Variants in CFAP77 observed in about 807,000 individuals in gnomAD.
The protein encoded by CFAP77 is cilia- and flagella-associated protein 77.
In CFAP77, 25 loss-of-function variants were observed where a neutral mutation model predicts 31.1. That is an observed-to-expected ratio of 0.80 (90% CI 0.59 to 1.12). CFAP77 has a LOEUF of 1.12. CFAP77 is among the 50% of genes most tolerant of loss of function. CFAP77 has a pLI of 0.00. For missense variants in CFAP77, 377 were observed against 397.3 expected, an observed-to-expected ratio of 0.95 and a Z score of 0.44; for synonymous variants, 151 against 159.9, an observed-to-expected ratio of 0.94 and a Z score of 0.42.
intron 1 of CFAP77, among the ~76,000 whole-genome samples, chr9:132,462,552 G>A (rs566734517): frequency 3.3e-5 from 5 of 152,270 alleles, no homozygotes; most frequent in African/African-American, 9.6e-5. Context: ...AAACTACACT[G>A]CAAGAACACG....
At chr9:132,563,259 C>T (rs1829846339) in intron 5 of CFAP77, among the ~76,000 whole-genome samples, 1 of 152,164 alleles carries the variant, frequency 6.6e-6, no homozygotes, top group South Asian at 2.1e-4. Context: ...AGCGATTCTC[C>T]TGCCTCAGCC....
chr9:132,425,229 G>T (rs1006309460), intron 1 of CFAP77, among the ~76,000 whole-genome samples: 1 of 152,150 alleles, frequency 6.6e-6, no homozygotes, highest in Non-Finnish European at 1.5e-5. Flanking sequence ...GCGGCCTGAG[G>T]TTCTAATTCT....
At chr9:132,450,733 G>T (rs750998353) in intron 1 of CFAP77, among the ~76,000 whole-genome samples, 24 of 152,328 alleles carry the variant, frequency 1.6e-4, no homozygotes, top group Middle Eastern at 3.4e-3. Context: ...AAGATGTTAA[G>T]TGGGGCAGTG....
In CFAP77 at chr9:132,490,184, A is replaced by T. The variant is rs1011273559; in HGVS notation, c.196-8511A>T. On this transcript the variant is annotated intron_variant, in intron 1 of 5. Coordinates refer to ENST00000393216, the MANE Select transcript of CFAP77 (RefSeq NM_001282957.2). This position sits in a 1 kb window ranked among gnomAD's most constrained non-coding sequence, Gnocchi z 4.6. ...ATCAAGGCCTTTTATAAGGGCACCT[A>T]TTCCCCCATGAGTGCAGAGCCCTCA... 1.3e-5 allele frequency among the ~76,000 whole-genome samples: 2 copies of T among 152,100 alleles called. No individual in the cohort carries two copies. Among genetic ancestry groups the T allele is most frequent in the Non-Finnish European group, 2.9e-5 (2 of 68,012 alleles).
chr9:132,531,361 A>G (rs1852444767), intron 3 of CFAP77, among the ~76,000 whole-genome samples: 1 of 152,112 alleles, frequency 6.6e-6, no homozygotes, highest in African/African-American at 2.4e-5. Flanking sequence ...AAACCAATGA[A>G]TGAGCGCCCC....
At chr9:132,513,188 A>C (rs780558142) in intron 3 of CFAP77, 2 of 1,436,026 alleles carry the variant, frequency 1.4e-6, no homozygotes, top group African/African-American at 2.9e-5. Flanking sequence ...TTAAATGTGC[A>C]ATTAAGTTAT....
intron 1 of CFAP77, among the ~76,000 whole-genome samples, chr9:132,459,592 T>A (rs1459765794): frequency 6.6e-6 from 1 of 151,158 alleles, no homozygotes; most frequent in Non-Finnish European, 1.5e-5. Flanking sequence ...TGTATGTATA[T>A]ATATATGCCT....
At chr9:132,415,384 T>A (rs1850078458) in intron 1 of CFAP77, among the ~76,000 whole-genome samples, 1 of 152,166 alleles carries the variant, frequency 6.6e-6, no homozygotes, top group South Asian at 2.1e-4. Flanking sequence ...CCCAGCTCCG[T>A]GGCCATTTCA....
intron 1 of CFAP77, among the ~76,000 whole-genome samples, chr9:132,429,198 G>C (rs1391763371): frequency 6.6e-6 from 1 of 151,862 alleles, no homozygotes; most frequent in Non-Finnish European, 1.5e-5. Flanking sequence ...TAAACTAGTG[G>C]TTTTTCTTCT....
intron 1 of CFAP77, among the ~76,000 whole-genome samples, chr9:132,448,185 ACACACG>A (rs1850761786): frequency 1.3e-5 from 2 of 152,058 alleles, no homozygotes; most frequent in African/African-American, 4.8e-5. Context: ...ATGCACACAC[ACACACG>A]CACACATGCA....
At position 132,490,304 on chromosome 9, in the gene CFAP77, C is replaced by T. The variant is rs768110890; in HGVS notation, c.196-8391C>T. Among the ~76,000 whole-genome samples, 1 of 152,116 alleles carries T rather than the reference C, an allele frequency of 6.6e-6. No homozygotes were observed. The highest frequency in any genetic ancestry group is 2.4e-5 in the African/African-American group (1 of 41,402). ...TTGGAGGCGATAAAAACATTCAGACCATAGCACCATGGAAAAGCAGGTGAC... is the reference window on the plus strand; with the variant it reads ...TTGGAGGCGATAAAAACATTCAGACTATAGCACCATGGAAAAGCAGGTGAC... On this transcript the variant is annotated intron_variant, in intron 1 of 5. Transcript: ENST00000393216. The surrounding 1 kb of genome is among the most constrained non-coding windows in gnomAD (Gnocchi z 4.6).
Position 132,498,803 on chromosome 9 carries a change from G to A in CFAP77, c.295+9G>A. On this transcript the variant is annotated intron_variant, in intron 2 of 5. Transcript: ENST00000393216. This position sits in a 1 kb window ranked among gnomAD's most constrained non-coding sequence, Gnocchi z 4.2. Reference sequence around the variant, plus strand: ...CGGAGGAGTCCCTGAAGGTGAGCGAGCAGCTTTGGAGCATGAGGGCAGAGG... The same window carrying A: ...CGGAGGAGTCCCTGAAGGTGAGCGAACAGCTTTGGAGCATGAGGGCAGAGG... 6.3e-7 allele frequency: 1 copy of A among 1,595,352 alleles called. No homozygotes were observed. The highest frequency in any genetic ancestry group is 8.6e-7 in the Non-Finnish European group (1 of 1,167,658).
chr9:132,543,714 G>A (rs1852684741), intron 5 of CFAP77, among the ~76,000 whole-genome samples: 1 of 152,230 alleles, frequency 6.6e-6, no homozygotes, highest in Non-Finnish European at 1.5e-5. Context: ...ACTGGGGCAA[G>A]TGTGCGACAC....
chr9:132,553,628 A>G (rs988422936), intron 5 of CFAP77, among the ~76,000 whole-genome samples: 19 of 152,144 alleles, frequency 1.2e-4, no homozygotes, highest in African/African-American at 4.1e-4. Context: ...CAAATTCCCA[A>G]AGTCAGATAC....
Position 132,458,649 on chromosome 9 carries a change from A to G in CFAP77, c.196-40046A>G, listed in dbSNP as rs201346803. Among the ~76,000 whole-genome samples, 952 of 152,376 alleles carry G rather than the reference A, an allele frequency of 6.2e-3. 15 individuals are homozygous for G. Among genetic ancestry groups the G allele is most frequent in the African/African-American group, 0.022 (907 of 41,596 alleles). ...GGGAGCTCTCCCTCCTGTGTCCAGT[A>G]GGGTCACTACAAGCCGCATGGCTAG... On this transcript the variant is annotated intron_variant, in intron 1 of 5. Transcript: ENST00000393216.
chr9:132,503,035 C>A (rs549706224), intron 3 of CFAP77, among the ~76,000 whole-genome samples: 1 of 152,204 alleles, frequency 6.6e-6, no homozygotes, highest in Admixed American at 6.5e-5. Context: ...TCCCACCTCT[C>A]GTGGCCTCAA....
intron 5 of CFAP77, among the ~76,000 whole-genome samples, chr9:132,544,408 CT>C (rs1461420962): frequency 1.3e-5 from 2 of 152,122 alleles, no homozygotes; most frequent in Non-Finnish European, 2.9e-5. Flanking sequence ...GCTTCCTCTG[CT>C]TCTCCTGCTC....
At position 132,511,882 on chromosome 9, in the gene CFAP77, C is replaced by G. The variant is rs1589896838; in HGVS notation, c.524+12282C>G. Among the ~76,000 whole-genome samples, 1 of 152,082 alleles carries G rather than the reference C, an allele frequency of 6.6e-6. No individual in the cohort carries two copies. The highest frequency in any genetic ancestry group is 1.5e-5 in the Non-Finnish European group (1 of 68,012). ...CAGCCTGACCAATATGGTGAAATCC[C>G]GTCTCTACCAAAGATACAAAAATTA... On this transcript the variant is annotated intron_variant, in intron 3 of 5. Transcript: ENST00000393216. The surrounding 1 kb of genome is among the most constrained non-coding windows in gnomAD (Gnocchi z 5.8).
At chr9:132,537,576 C>G (rs1482647825) in intron 3 of CFAP77, 25 bp from the exon 4 acceptor site, 3 of 1,579,124 alleles carry the variant, frequency 1.9e-6, no homozygotes, top group Non-Finnish European at 2.6e-6. Flanking sequence ...GGGCCTCAAG[C>G]TCTGTCTGGA....
Sources: allele counts gnomAD v4.1 joint callset (sites outside exome capture counted in the v4.1 genomes callset), GRCh38; gene constraint gnomAD v4.1.1; non-coding constraint Gnocchi (gnomAD v3.1); transcripts MANE v1.5; gene names NCBI Gene and HGNC (gene_info 2026-07-23, HGNC 2026-07-21).